The following CHD6 variants were observed in gnomAD, a reference collection of about 807,000 sequenced individuals.
The protein encoded by CHD6 is chromodomain helicase DNA binding protein 6.
In CHD6, 50 loss-of-function variants were observed where a neutral mutation model predicts 276.9. The ratio of observed to expected loss-of-function variants is 0.18; its 90% confidence interval spans 0.14 to 0.23. The LOEUF (loss-of-function observed/expected upper bound fraction) is 0.23. CHD6 is among the 10% of genes least tolerant of loss of function. The pLI, the probability that CHD6 is intolerant of heterozygous loss-of-function variation, is 1.00. For synonymous variants in CHD6, 1,173 were observed against 1,229.3 expected, an observed-to-expected ratio of 0.95 and a Z score of 0.96; for missense variants, 2,564 against 3,365.8, an observed-to-expected ratio of 0.76 and a Z score of 5.89.
intron 25 of CHD6, among the ~76,000 whole-genome samples, chr20:41,441,790 A>AAAAGTAGGAGCTTTGTCTTT (rs892307520): frequency 6.6e-6 from 1 of 152,260 alleles, no homozygotes; most frequent in African/African-American, 2.4e-5. Flanking sequence ...GAGCTGCAAC[A>AAAAGTAGGAGCTTTGTCTTT]GCAATACAAA....
chr20:41,440,393 T>C (rs1355390398), intron 25 of CHD6, among the ~76,000 whole-genome samples: 1 of 152,196 alleles, frequency 6.6e-6, no homozygotes, highest in South Asian at 2.1e-4. Context: ...AGATACACAA[T>C]TCTGTTTGCT....
chr20:41,464,797 A>G (rs2042881997), intron 17 of CHD6, among the ~76,000 whole-genome samples: 1 of 152,206 alleles, frequency 6.6e-6, no homozygotes, highest in Non-Finnish European at 1.5e-5. Context: ...GGATCGTTGG[A>G]GAATGGTCAA....
At chr20:41,448,092 T>C (rs2048125218) in intron 23 of CHD6, 121 bp from the exon 24 acceptor site, 2 of 521,054 alleles carry the variant, frequency 3.8e-6, no homozygotes, top group South Asian at 3.6e-5. Flanking sequence ...TATGAAGTAA[T>C]AGAAGAGAAG....
chr20:41,414,819 T>C (rs1000524972), intron 34 of CHD6: 13 of 1,143,032 alleles, frequency 1.1e-5, no homozygotes, highest in Admixed American at 4.4e-5. Context: ...CTTTCTCCCA[T>C]ACCCCAGTCT....
At chr20:41,503,181 T>C (rs955447957) in intron 5 of CHD6, among the ~76,000 whole-genome samples, 5 of 152,226 alleles carry the variant, frequency 3.3e-5, no homozygotes, top group African/African-American at 1.2e-4. Context: ...TTAATAATTA[T>C]CCTTTCCTGA....
At chr20:41,459,852 C>T (rs781145076) in intron 17 of CHD6, among the ~76,000 whole-genome samples, 12 of 152,266 alleles carry the variant, frequency 7.9e-5, no homozygotes, top group East Asian at 3.9e-4. Flanking sequence ...CCCGAAAACG[C>T]GGAAGCGACT....
At chr20:41,490,395 C>CTA (rs1568637801) in intron 11 of CHD6, among the ~76,000 whole-genome samples, 1 of 152,176 alleles carries the variant, frequency 6.6e-6, no homozygotes, top group Non-Finnish European at 1.5e-5. Context: ...GGCTATAAGC[C>CTA]TATACAGCAT....
intron 16 of CHD6, among the ~76,000 whole-genome samples, chr20:41,482,006 T>A (rs888422588): frequency 1.3e-5 from 2 of 152,086 alleles, no homozygotes; most frequent in Admixed American, 6.5e-5. Flanking sequence ...TATTTCCGCA[T>A]TTTCAAGAGA....
intron 27 of CHD6, among the ~76,000 whole-genome samples, chr20:41,431,776 C>CTTTTTTTTTTTTTTT (rs61227802): frequency 0.014 from 1,417 of 104,204 alleles, 140 homozygotes; most frequent in East Asian, 0.039. Context: ...AAAAAACATG[C>CTTTTTTTTTTTTTTT]TTTTTTTTTT....
intron 1 of CHD6, among the ~76,000 whole-genome samples, chr20:41,612,729 G>T (rs1478871211): frequency 6.6e-6 from 1 of 152,146 alleles, no homozygotes; most frequent in Non-Finnish European, 1.5e-5. Flanking sequence ...ACCCAAAGTA[G>T]ATAGAGTCCA....
rs531456252 is a variant in CHD6, at chr20:41,436,357, C to T, written c.4068+917G>A. ...GCTCAAGAAAATAATAGTGACCACA[C>T]CAAATGTTGGTGTGGATGGAGAATA... On this transcript the variant is annotated intron_variant, in intron 27 of 36. Coordinates refer to ENST00000373233, the MANE Select transcript of CHD6 (RefSeq NM_032221.5). Among the ~76,000 whole-genome samples the T allele has an allele frequency of 4.6e-5, 7 of 152,236 alleles. No homozygotes were observed. In the East Asian group the frequency reaches 1.4e-3, roughly 29 times the overall value.
At chr20:41,567,618 A>AG (rs2045371407) in intron 1 of CHD6, among the ~76,000 whole-genome samples, 1 of 151,532 alleles carries the variant, frequency 6.6e-6, no homozygotes, top group Admixed American at 6.6e-5. Flanking sequence ...AAAAAAAAAA[A>AG]GGGGGTGAGC....
At chr20:41,476,470 A>G (rs2043169646) in intron 16 of CHD6, among the ~76,000 whole-genome samples, 2 of 152,172 alleles carry the variant, frequency 1.3e-5, no homozygotes, top group Admixed American at 1.3e-4. Flanking sequence ...GCAATAATCA[A>G]CTGGAAAACA....
chr20:41,553,387 T>C lies in CHD6; in HGVS notation c.-23-2027A>G, dbSNP rs549307841. Among the ~76,000 whole-genome samples the C allele has an allele frequency of 3.3e-5, 5 of 152,368 alleles. No individual in the cohort carries two copies. In the East Asian group the frequency reaches 9.6e-4, roughly 29 times the overall value. Reference sequence around the variant, plus strand: ...GCTAATAACTCTTTGTCAGGCCCTGTCCTAAGTAACTGTTGGACATGCTCA... The same window carrying C: ...GCTAATAACTCTTTGTCAGGCCCTGCCCTAAGTAACTGTTGGACATGCTCA... On this transcript the variant is annotated intron_variant, in intron 1 of 36. Transcript: ENST00000373233.
chr20:41,519,453 G>A (rs2044332789), intron 3 of CHD6, among the ~76,000 whole-genome samples: 1 of 152,040 alleles, frequency 6.6e-6, no homozygotes, highest in Non-Finnish European at 1.5e-5. Context: ...ACATTTTTTG[G>A]TAATTGTAAA....
chr20:41,446,110 T>C (rs2048060270), intron 24 of CHD6, among the ~76,000 whole-genome samples: 1 of 152,214 alleles, frequency 6.6e-6, no homozygotes, highest in Non-Finnish European at 1.5e-5. Context: ...GCAAAGGCCA[T>C]TGATATATTG....
chr20:41,420,946 T>C lies in CHD6; in HGVS notation c.5689A>G (p.Thr1897Ala), dbSNP rs41278114. Residue 1897 changes from threonine (T) to alanine (A), a missense_variant, in exon 31 of 37, where the codon ACT (threonine) becomes GCT (alanine). Thr to Ala is a moderately conservative substitution (Grantham distance 58). This residue lies in a region of CHD6 where 1,024 missense variants were observed against 1,047.9 expected (regional missense o/e 0.98). Transcript: ENST00000373233. Reference protein sequence around the residue: ...RPEVLHLTEPTTNISREKNQG... With the variant: ...RPEVLHLTEPATNISREKNQG... The stretch of plus-strand genomic sequence containing the variant: ...TTCTTTTCCCTTGAGATGTTAGTAG[T>C]GGGCTCCGTGAGATGCAATACCTCT... The C allele has an allele frequency of 0.018, 28,623 of 1,614,208 alleles. 381 individuals are homozygous for C. The highest frequency in any genetic ancestry group is 0.048 in the East Asian group (2,138 of 44,884).
In CHD6 at chr20:41,415,415, G is replaced by C. The variant is rs201404597; in HGVS notation, c.6710C>G (p.Ala2237Gly). Residue 2237 changes from alanine (A) to glycine (G), a missense_variant, in exon 34 of 37, where the codon GCC becomes GGC. Ala to Gly is a moderately conservative substitution (Grantham distance 60). Transcript: ENST00000373233. Reference sequence around the variant, plus strand: ...GATAGCCCCAATCTTAGGGGTGCTGGCGCTCACTGGGAAAGGGGATGTGGC... The same window carrying C: ...GATAGCCCCAATCTTAGGGGTGCTGCCGCTCACTGGGAAAGGGGATGTGGC... ...PGATSPFPVS[A>G]STPKIGAISS... 1.5e-4 allele frequency: 235 copies of C among 1,612,694 alleles called. No homozygotes were observed. The highest frequency in any genetic ancestry group is 1.3e-3 in the Middle Eastern group (8 of 6,084).
chr20:41,501,611 T>C (rs956050365), intron 5 of CHD6, among the ~76,000 whole-genome samples: 13 of 152,224 alleles, frequency 8.5e-5, no homozygotes, highest in African/African-American at 3.1e-4. Context: ...GAAATCCATA[T>C]AAATTATGTC....
Sources: allele counts gnomAD v4.1 joint callset (sites outside exome capture counted in the v4.1 genomes callset), GRCh38; gene constraint gnomAD v4.1.1; regional missense constraint gnomAD v4.1.1; transcripts MANE v1.5; gene names NCBI Gene and HGNC (gene_info 2026-07-23, HGNC 2026-07-21).